Variants in GRM3 observed in about 807,000 individuals in gnomAD.
GRM3 encodes the protein glutamate metabotropic receptor 3, also known as metabotropic glutamate receptor 3.
Under a neutral mutation model 70.5 loss-of-function variants are expected in GRM3, and 26 were observed. The ratio of observed to expected loss-of-function variants is 0.37; its 90% confidence interval spans 0.27 to 0.51. GRM3 has a LOEUF of 0.51. Among genes scored for constraint, GRM3 ranks in the 20% least tolerant of loss-of-function variants. The pLI is 0.93. For synonymous variants in GRM3, 443 were observed against 434.9 expected, an observed-to-expected ratio of 1.02 and a Z score of -0.23; for missense variants, 859 against 1,123.8, an observed-to-expected ratio of 0.76 and a Z score of 3.37.
chr7:86,803,081 C>G (rs1261347143), intron 3 of GRM3, among the ~76,000 whole-genome samples: 1 of 150,286 alleles, frequency 6.7e-6, no homozygotes, highest in Non-Finnish European at 1.5e-5. Flanking sequence ...AAACCTTCAA[C>G]CATGATTTCT....
intron 1 of GRM3, among the ~76,000 whole-genome samples, chr7:86,760,007 CAT>C (rs773656558): frequency 1.3e-5 from 2 of 152,108 alleles, no homozygotes; most frequent in East Asian, 3.9e-4. Flanking sequence ...ATTACAGAAT[CAT>C]AATCAAATTG....
chr7:86,783,514 T>C (rs1482725576), intron 2 of GRM3, among the ~76,000 whole-genome samples: 1 of 66,966 alleles, frequency 1.5e-5, no homozygotes, highest in Non-Finnish European at 2.9e-5. Flanking sequence ...AAAATATGTT[T>C]GTGTGTGTGT....
chr7:86,755,740 C>T (rs931088129), intron 1 of GRM3, among the ~76,000 whole-genome samples: 5 of 152,048 alleles, frequency 3.3e-5, no homozygotes, highest in East Asian at 3.9e-4. Context: ...GGGGATGGCT[C>T]TTTTAGTAGA....
chr7:86,784,476 C>T (rs891270137), intron 2 of GRM3: 1 of 152,182 alleles, frequency 6.6e-6, no homozygotes, highest in Non-Finnish European at 1.5e-5. Context: ...TATGCATAGA[C>T]AGGGCTCCTA....
intron 3 of GRM3, among the ~76,000 whole-genome samples, chr7:86,837,643 G>A (rs1273918617): frequency 6.6e-6 from 1 of 152,090 alleles, no homozygotes; most frequent in Non-Finnish European, 1.5e-5. Flanking sequence ...TGAAGAGGAG[G>A]GCCTAGGCAG....
intron 3 of GRM3, among the ~76,000 whole-genome samples, chr7:86,787,336 G>C (rs1298913611): frequency 6.6e-6 from 1 of 152,190 alleles, no homozygotes; most frequent in African/African-American, 2.4e-5. Context: ...CAATGAAAGG[G>C]GCCCCAGGCA....
intron 3 of GRM3, among the ~76,000 whole-genome samples, chr7:86,831,674 A>G (rs986673884): frequency 2.0e-5 from 3 of 151,846 alleles, no homozygotes; most frequent in Admixed American, 2.0e-4. Context: ...AGTATTGACA[A>G]TTTCAACAAT....
intron 5 of GRM3, among the ~76,000 whole-genome samples, chr7:86,858,628 C>CT: frequency 6.6e-6 from 1 of 152,282 alleles, no homozygotes; most frequent in South Asian, 2.1e-4. Context: ...AATGTCTATT[C>CT]TTTATAAATT....
At chr7:86,661,461 T>C (rs1793891850) in intron 1 of GRM3, among the ~76,000 whole-genome samples, 1 of 151,920 alleles carries the variant, frequency 6.6e-6, no homozygotes, top group South Asian at 2.1e-4. Context: ...ATAGTTCTGT[T>C]GTACAGAAGT....
intron 1 of GRM3, among the ~76,000 whole-genome samples, chr7:86,702,429 C>A (rs1000990981): frequency 3.9e-5 from 6 of 151,956 alleles, no homozygotes; most frequent in Middle Eastern, 3.2e-3. Context: ...CCCACAACAA[C>A]CAGCTCTATT....
intron 1 of GRM3, among the ~76,000 whole-genome samples, chr7:86,681,764 CAACA>C (rs1794446830): frequency 6.6e-6 from 1 of 152,144 alleles, no homozygotes; most frequent in African/African-American, 2.4e-5. Flanking sequence ...TTCATGATTT[CAACA>C]AGCACAGAAA....
chr7:86,768,308 G>C (rs1796655554), intron 2 of GRM3, among the ~76,000 whole-genome samples: 1 of 152,132 alleles, frequency 6.6e-6, no homozygotes, highest in South Asian at 2.1e-4. Flanking sequence ...TAATTATGTG[G>C]ACTTCTCTGG....
intron 1 of GRM3, among the ~76,000 whole-genome samples, chr7:86,700,581 G>T (rs1202027628): frequency 6.6e-6 from 1 of 151,718 alleles, no homozygotes; most frequent in Non-Finnish European, 1.5e-5. Context: ...TCTTTAGCAT[G>T]AGCAAAAATT....
chr7:86,705,817 C>T (rs1310335760), intron 1 of GRM3, among the ~76,000 whole-genome samples: 1 of 152,026 alleles, frequency 6.6e-6, no homozygotes, highest in Non-Finnish European at 1.5e-5. Flanking sequence ...TCAATCTCAT[C>T]TCTCCCCTTT....
chr7:86,715,487 G>T (rs1795292792), intron 1 of GRM3, among the ~76,000 whole-genome samples: 1 of 151,948 alleles, frequency 6.6e-6, no homozygotes, highest in South Asian at 2.1e-4. Context: ...ATAAGTAGAT[G>T]CCCAGTAAAT....
At chr7:86,761,401 C>T (rs939751824) in intron 1 of GRM3, among the ~76,000 whole-genome samples, 2 of 152,100 alleles carry the variant, frequency 1.3e-5, no homozygotes, top group South Asian at 2.1e-4. Flanking sequence ...AGTATTTTTT[C>T]TTGCATGATA....
At chr7:86,761,404 G>T (rs1441701643) in intron 1 of GRM3, among the ~76,000 whole-genome samples, 1 of 152,014 alleles carries the variant, frequency 6.6e-6, no homozygotes, top group Non-Finnish European at 1.5e-5. Flanking sequence ...ATTTTTTCTT[G>T]CATGATACAA....
chr7:86,646,458 A>G (rs893402124), intron 1 of GRM3, among the ~76,000 whole-genome samples: 2 of 152,202 alleles, frequency 1.3e-5, no homozygotes, highest in African/African-American at 4.8e-5. Flanking sequence ...TCAGAGTAAC[A>G]CAGGAGCTCA....
rs1798513690 is a variant in GRM3, at chr7:86,839,166, C to T, written c.1652C>T (p.Ser551Phe). 2 of 1,614,000 alleles carry T rather than the reference C, an allele frequency of 1.2e-6. No homozygotes were observed. Among genetic ancestry groups the T allele is most frequent in the Non-Finnish European group, 1.7e-6 (2 of 1,179,854 alleles). Reference sequence around the variant, plus strand: ...GAGTTTACCTGTATGGATTGTGGGTCTGGACAGTGGCCCACTGCAGACCTA... The same window carrying T: ...GAGTTTACCTGTATGGATTGTGGGTTTGGACAGTGGCCCACTGCAGACCTA... The part of the protein sequence containing the change: ...ADEFTCMDCG[S>F]GQWPTADLTG... Residue 551 changes from serine (S) to phenylalanine (F), a missense_variant, in exon 4 of 6, where the codon TCT becomes TTT. Physicochemically the swap from Ser to Phe is radical, Grantham distance 155. Coordinates refer to ENST00000361669, the MANE Select transcript of GRM3 (RefSeq NM_000840.3). This position sits in a 1 kb window ranked among gnomAD's most constrained non-coding sequence, Gnocchi z 4.5.
Sources: allele counts gnomAD v4.1 joint callset (sites outside exome capture counted in the v4.1 genomes callset), GRCh38; gene constraint gnomAD v4.1.1; non-coding constraint Gnocchi (gnomAD v3.1); transcripts MANE v1.5; gene names NCBI Gene and HGNC (gene_info 2026-07-23, HGNC 2026-07-21).